CCDC91: variants seen among roughly 807,000 people sequenced by gnomAD.
CCDC91 encodes the protein coiled-coil domain-containing protein 91.
Under a neutral mutation model 63.2 loss-of-function variants are expected in CCDC91, and 48 were observed. The ratio of observed to expected loss-of-function variants is 0.76; its 90% CI spans 0.60 to 0.97. CCDC91 has a LOEUF of 0.97. CCDC91 is among the 50% of genes least tolerant of loss of function. The pLI, the probability that CCDC91 is intolerant of heterozygous loss-of-function variation, is 0.00. For synonymous variants in CCDC91, 167 were observed against 165.8 expected (o/e 1.01, Z -0.06); for missense variants, 500 against 494.6 (o/e 1.01, Z -0.10).
intron 8 of CCDC91, among the ~76,000 whole-genome samples, chr12:28,444,057 C>T (rs1949372934): frequency 6.6e-6 from 1 of 152,110 alleles, no homozygotes; most frequent in Non-Finnish European, 1.5e-5. Context: ...AATAGCATAG[C>T]CCTGTTTCTA....
chr12:28,198,874 T>G (rs1941984065), intron 1 of CCDC91: 1 of 152,162 alleles, frequency 6.6e-6, no homozygotes, highest in Non-Finnish European at 1.5e-5. Context: ...TGCCTTTTTT[T>G]GTATTAAGTA....
chr12:28,360,751 A>G (rs1943826352), intron 6 of CCDC91, among the ~76,000 whole-genome samples: 1 of 152,202 alleles, frequency 6.6e-6, no homozygotes, highest in Non-Finnish European at 1.5e-5. Context: ...TTGTCCAAAT[A>G]AAATATGGTA....
At chr12:28,378,264 G>T (rs1459339338) in intron 7 of CCDC91, among the ~76,000 whole-genome samples, 1 of 152,108 alleles carries the variant, frequency 6.6e-6, no homozygotes, top group East Asian at 1.9e-4. Context: ...AATACTTTTT[G>T]TTAAGGATTG....
At chr12:28,515,908 A>G (rs116849451) in intron 12 of CCDC91, among the ~76,000 whole-genome samples, 1,557 of 151,994 alleles carry the variant, frequency 0.01, 19 homozygotes, top group Non-Finnish European at 0.017. Context: ...AGTCACTACT[A>G]TCCCCTCAAA....
intron 6 of CCDC91, among the ~76,000 whole-genome samples, chr12:28,329,569 G>A (rs1253742358): frequency 2.0e-5 from 3 of 152,154 alleles, no homozygotes; most frequent in Non-Finnish European, 2.9e-5. Context: ...CAGACATAGT[G>A]TATATAGATC....
At chr12:28,522,277 A>G (rs1402299369) in intron 12 of CCDC91, among the ~76,000 whole-genome samples, 1 of 152,120 alleles carries the variant, frequency 6.6e-6, no homozygotes, top group Non-Finnish European at 1.5e-5. Flanking sequence ...TCGGGGATTC[A>G]ACTTCTTCCT....
intron 11 of CCDC91, among the ~76,000 whole-genome samples, chr12:28,460,793 G>GTA (rs71784301): frequency 6.6e-6 from 1 of 151,590 alleles, no homozygotes; most frequent in East Asian, 1.9e-4. Context: ...AAATATATCT[G>GTA]TATGTGTGTG....
chr12:28,395,606 A>C (rs145873509), intron 8 of CCDC91, among the ~76,000 whole-genome samples: 147 of 152,280 alleles, frequency 9.7e-4, no homozygotes, highest in Middle Eastern at 3.4e-3. Context: ...ACATAGGACA[A>C]GTTATGGGGA....
chr12:28,502,548 C>T (rs1938066545), intron 12 of CCDC91, among the ~76,000 whole-genome samples: 1 of 149,994 alleles, frequency 6.7e-6, no homozygotes. Context: ...CATCAAGCTA[C>T]CAATGACTTT....
intron 8 of CCDC91, among the ~76,000 whole-genome samples, chr12:28,421,891 C>T (rs542947849): frequency 1.3e-4 from 20 of 152,128 alleles, no homozygotes; most frequent in African/African-American, 4.8e-4. Flanking sequence ...GGAACCCTGG[C>T]TGATACACTT....
intron 11 of CCDC91, among the ~76,000 whole-genome samples, chr12:28,459,955 G>A (rs989616730): frequency 1.1e-4 from 17 of 152,074 alleles, no homozygotes; most frequent in African/African-American, 3.9e-4. Flanking sequence ...TTTTAGCGAT[G>A]TGGTTTAGAG....
chr12:28,277,511 C>T (rs948430432), intron 3 of CCDC91, among the ~76,000 whole-genome samples: 15 of 152,060 alleles, frequency 9.9e-5, no homozygotes, highest in African/African-American at 3.6e-4. Context: ...CCAAAACTTA[C>T]ATGATGCTGA....
chr12:28,195,864 G>T (rs769057201), intron 1 of CCDC91, among the ~76,000 whole-genome samples: 32 of 152,094 alleles, frequency 2.1e-4, no homozygotes, highest in Admixed American at 3.9e-4. Context: ...CAGCACTTTG[G>T]GAGGTCAAGG....
intron 11 of CCDC91, among the ~76,000 whole-genome samples, chr12:28,464,296 G>A (rs535284932): frequency 6.6e-6 from 1 of 152,170 alleles, no homozygotes; most frequent in Non-Finnish European, 1.5e-5. Context: ...GTGAGTCTTA[G>A]CACAGAACCA....
intron 6 of CCDC91, among the ~76,000 whole-genome samples, chr12:28,351,338 A>G (rs777317967): frequency 1.3e-5 from 2 of 152,212 alleles, no homozygotes; most frequent in African/African-American, 4.8e-5. Context: ...TAAAGGAATC[A>G]CCAGTTCCAA....
chr12:28,404,961 GTTT>G (rs1390931983), intron 8 of CCDC91, among the ~76,000 whole-genome samples: 1 of 151,948 alleles, frequency 6.6e-6, no homozygotes, highest in East Asian at 1.9e-4. Flanking sequence ...TTTAATTGGT[GTTT>G]TTAGACCATT....
At chr12:28,467,472 G>A (rs1483735481) in intron 11 of CCDC91, among the ~76,000 whole-genome samples, 1 of 151,940 alleles carries the variant, frequency 6.6e-6, no homozygotes, top group Non-Finnish European at 1.5e-5. Flanking sequence ...AAATATTAGA[G>A]CTAAAGAGAG....
At position 28,518,430 on chromosome 12, in the gene CCDC91, C is replaced by G. The variant is rs565136171; in HGVS notation, c.1216-30633C>G. On this transcript the variant is annotated intron_variant, in intron 12 of 12. Transcript: ENST00000536442. ...TGTTTGTTGGCCATTTGTTTATGTT[C>G]TTTTGATAATTGTGTATTCATTCTT... 1.4e-4 allele frequency among the ~76,000 whole-genome samples: 22 copies of G among 151,736 alleles called. 2 individuals carry two copies. The South Asian group carries it at 4.4e-3, about 30-fold the overall frequency.
Position 28,496,122 on chromosome 12 carries a change from C to A in CCDC91, c.1215+11957C>A, listed in dbSNP as rs550506078. ...TAAGCAGCAGAGGAGTTTATTAAAACGATATTAGGTAAGCAGCCAAGTTGC... is the reference window on the plus strand; with the variant it reads ...TAAGCAGCAGAGGAGTTTATTAAAAAGATATTAGGTAAGCAGCCAAGTTGC... On this transcript the variant is annotated intron_variant, in intron 12 of 12. Transcript: ENST00000536442. Among the ~76,000 whole-genome samples the A allele has an allele frequency of 4.0e-5, 6 of 151,572 alleles. 1 individual carries two copies. The highest frequency in any genetic ancestry group is 1.3e-4 in the Admixed American group (2 of 15,142).
Sources: allele counts gnomAD v4.1 joint callset (sites outside exome capture counted in the v4.1 genomes callset), GRCh38; gene constraint gnomAD v4.1.1; transcripts MANE v1.5; gene names NCBI Gene and HGNC (gene_info 2026-07-23, HGNC 2026-07-21).